Variants in DTNA observed in about 807,000 individuals in gnomAD.
The protein encoded by DTNA is dystrobrevin alpha, also known as dystrophin-related protein 3.
In DTNA, 43 loss-of-function variants were observed where a neutral mutation model predicts 100.7. The observed-to-expected ratio is 0.43, with a 90% confidence interval of 0.33 to 0.55. The LOEUF (loss-of-function observed/expected upper bound fraction) is 0.55, where lower values mean the gene tolerates loss of function less well. DTNA is among the 20% of genes least tolerant of loss of function. The pLI, the probability that DTNA is intolerant of heterozygous loss-of-function variation, is 0.04. For missense variants in DTNA, 798 were observed against 953.9 expected (o/e 0.84, Z 2.15); for synonymous variants, 349 against 347.9 (o/e 1.00, Z -0.04).
intron 1 of DTNA, among the ~76,000 whole-genome samples, chr18:34,660,806 C>T (rs1368400433): frequency 1.3e-5 from 2 of 152,148 alleles, no homozygotes; most frequent in Non-Finnish European, 2.9e-5. Flanking sequence ...CTACCTATGA[C>T]CTTGAAGCTC....
chr18:34,770,909 A>G (rs1381745610), intron 3 of DTNA, among the ~76,000 whole-genome samples: 1 of 150,810 alleles, frequency 6.6e-6, no homozygotes, highest in African/African-American at 2.4e-5. Context: ...CAGCCTCCCA[A>G]GTAGCTGGGA....
At chr18:34,844,757 C>G (rs777667743) in intron 13 of DTNA, among the ~76,000 whole-genome samples, 1 of 152,118 alleles carries the variant, frequency 6.6e-6, no homozygotes, top group South Asian at 2.1e-4. Flanking sequence ...ACTACCCTAA[C>G]TTAGAAAGCA....
At chr18:34,863,559 G>A (rs2096656766) in intron 16 of DTNA, among the ~76,000 whole-genome samples, 1 of 152,148 alleles carries the variant, frequency 6.6e-6, no homozygotes. Context: ...TATTTTCTGT[G>A]AATTTGCAAA....
chr18:34,719,950 G>A (rs1239277835), intron 1 of DTNA, among the ~76,000 whole-genome samples: 4 of 152,126 alleles, frequency 2.6e-5, no homozygotes, highest in Non-Finnish European at 5.9e-5. Context: ...GCTGCTAATG[G>A]TACTAATAAG....
intron 3 of DTNA, among the ~76,000 whole-genome samples, chr18:34,787,314 CTT>C (rs926432199): frequency 3.9e-5 from 6 of 152,268 alleles, no homozygotes; most frequent in East Asian, 1.9e-4. Context: ...CTTTTCCACT[CTT>C]TTATATTTTG....
At position 34,818,389 on chromosome 18, in the gene DTNA, A is replaced by T. The variant is rs555597247; in HGVS notation, c.876+59A>T. ...ATGTGTGAGTGTTGCCCAGAGTTAA[A>T]GGGAATATCAAGGATGGTGGCAGAA... is the stretch of plus-strand genomic sequence containing the variant. On this transcript the variant is annotated intron_variant, in intron 8 of 22. Transcript: ENST00000444659. The T allele has an allele frequency of 5.7e-6, 9 of 1,591,512 alleles. No homozygotes were observed. The South Asian group carries it at 1.0e-4, about 18-fold the overall frequency.
intron 3 of DTNA, among the ~76,000 whole-genome samples, chr18:34,775,088 G>T (rs2093976974): frequency 6.6e-6 from 1 of 152,188 alleles, no homozygotes; most frequent in Non-Finnish European, 1.5e-5. Flanking sequence ...GAATTTCGTG[G>T]AATTCACTCC....
intron 1 of DTNA, among the ~76,000 whole-genome samples, chr18:34,546,743 TTTTCTTTC>T (rs569579532): frequency 2.9e-3 from 437 of 151,886 alleles, no homozygotes; most frequent in Middle Eastern, 0.01. Context: ...TTTTTTGTAA[TTTTCTTTC>T]TTTCTTTCTT....
intron 1 of DTNA, among the ~76,000 whole-genome samples, chr18:34,597,761 T>C (rs2050926348): frequency 6.6e-6 from 1 of 152,016 alleles, no homozygotes; most frequent in African/African-American, 2.4e-5. Context: ...AGTCTACCTT[T>C]CCCCACCGCC....
intron 1 of DTNA, among the ~76,000 whole-genome samples, chr18:34,610,675 T>C (rs1158461518): frequency 6.6e-6 from 1 of 152,198 alleles, no homozygotes; most frequent in African/African-American, 2.4e-5. Context: ...TAAAATAATA[T>C]GTGGCCTTTT....
rs1206505700 is a variant in DTNA at position 34,891,277 on chromosome 18, T to A, written c.*3543T>A. 6.6e-6 allele frequency: 1 copy of A among 152,526 alleles called. No homozygotes were observed. Among genetic ancestry groups the A allele is most frequent in the African/African-American group, 2.4e-5 (1 of 41,414 alleles). The allele number at this position is 152,526 out of a possible 1,614,324, so 9.4% of individuals were successfully genotyped here. ...TGTTAAGTATTGTTTTGTGTGTGTG[T>A]GTGTGTGTGTGTGTTGGAACCTCCT... On this transcript the variant is annotated 3_prime_UTR_variant, in exon 23 of 23. Coordinates refer to ENST00000444659, the MANE Select transcript of DTNA (RefSeq NM_001386795.1).
chr18:34,786,512 A>G (rs1173047214), intron 3 of DTNA, among the ~76,000 whole-genome samples: 1 of 152,148 alleles, frequency 6.6e-6, no homozygotes, highest in Non-Finnish European at 1.5e-5. Context: ...ATATATCTGC[A>G]TATCTCAAAG....
chr18:34,836,871 T>G (rs942545966), intron 11 of DTNA, among the ~76,000 whole-genome samples: 1 of 152,114 alleles, frequency 6.6e-6, no homozygotes, highest in African/African-American at 2.4e-5. Flanking sequence ...TAATATACAC[T>G]ATTATAAAGC....
At chr18:34,704,701 T>C (rs2081898463) in intron 1 of DTNA, among the ~76,000 whole-genome samples, 1 of 152,226 alleles carries the variant, frequency 6.6e-6, no homozygotes, top group African/African-American at 2.4e-5. Flanking sequence ...TAGAAAGCAC[T>C]TAATTCAAAG....
intron 11 of DTNA, among the ~76,000 whole-genome samples, chr18:34,833,065 A>C (rs1316345190): frequency 6.6e-6 from 1 of 152,170 alleles, no homozygotes; most frequent in African/African-American, 2.4e-5. Flanking sequence ...AACCATTGCG[A>C]TAATTATTCT....
At chr18:34,688,753 A>G (rs1172922524) in intron 1 of DTNA, among the ~76,000 whole-genome samples, 1 of 152,092 alleles carries the variant, frequency 6.6e-6, no homozygotes, top group Non-Finnish European at 1.5e-5. Context: ...ACTTAGTTCC[A>G]TTCTCCCCAT....
intron 10 of DTNA, among the ~76,000 whole-genome samples, chr18:34,827,949 C>G (rs978162055): frequency 6.6e-6 from 1 of 152,134 alleles, no homozygotes; most frequent in African/African-American, 2.4e-5. Context: ...ACTACTGACA[C>G]ACATGCATCC....
At chr18:34,748,522 T>C (rs2091936210) in intron 1 of DTNA, among the ~76,000 whole-genome samples, 1 of 152,232 alleles carries the variant, frequency 6.6e-6, no homozygotes, top group Non-Finnish European at 1.5e-5. Context: ...TTCTTCTACA[T>C]GTGGCTTGCC....
intron 13 of DTNA, among the ~76,000 whole-genome samples, chr18:34,843,739 T>C (rs2096318786): frequency 6.6e-6 from 1 of 152,092 alleles, no homozygotes; most frequent in Non-Finnish European, 1.5e-5. Context: ...ATATGAATAC[T>C]GGGGGAGACA....
Sources: gnomAD v4.1 joint callset for allele counts (sites outside exome capture counted in the v4.1 genomes callset) on GRCh38, gnomAD v4.1.1 for gene constraint, MANE v1.5 for transcripts, NCBI Gene and HGNC (gene_info 2026-07-23, HGNC 2026-07-21) for gene names.